CUX2: variants seen among roughly 807,000 people sequenced by gnomAD.
The protein encoded by CUX2 is homeobox protein cut-like 2.
CUX2 carries 40 observed loss-of-function variants against 144.8 expected under a neutral mutation model. The ratio of observed to expected loss-of-function variants is 0.28; its 90% CI spans 0.21 to 0.36. The LOEUF is 0.36. Among genes scored for constraint, CUX2 ranks in the 10% least tolerant of loss-of-function variants. The pLI is 1.00. For synonymous variants in CUX2, 827 were observed against 875.6 expected (o/e 0.94, Z 0.98); for missense variants, 1,615 against 1,994.0 (o/e 0.81, Z 3.62).
chr12:111,160,564 G>T lies in CUX2; in HGVS notation c.64-53636G>T, dbSNP rs573864758. The stretch of plus-strand genomic sequence containing the variant: ...AGAGGGGGCGCGAGATGCGAGCAGG[G>T]AGCAGGGTGGCACTTGGCTGTGGAG... On this transcript the variant is annotated intron_variant, in intron 1 of 21. Coordinates refer to ENST00000261726, the MANE Select transcript of CUX2 (RefSeq NM_015267.4). This position sits in a 1 kb window ranked among gnomAD's most constrained non-coding sequence, Gnocchi z 4.1. 2.6e-5 allele frequency among the ~76,000 whole-genome samples: 4 copies of T among 152,312 alleles called. No homozygotes were observed. In the East Asian group the frequency reaches 7.8e-4, roughly 30 times the overall value.
intron 16 of CUX2, among the ~76,000 whole-genome samples, chr12:111,315,909 A>G (rs1887164407): frequency 6.6e-6 from 1 of 152,196 alleles, no homozygotes. Flanking sequence ...GGGACAAACC[A>G]GACTACACTT....
chr12:111,316,889 C>T (rs1306674619), intron 16 of CUX2, among the ~76,000 whole-genome samples: 2 of 152,140 alleles, frequency 1.3e-5, no homozygotes, highest in African/African-American at 4.8e-5. Flanking sequence ...TTCTCCTTTC[C>T]ACTCTCCCCC....
chr12:111,255,862 G>A lies in CUX2; in HGVS notation c.223-7899G>A, dbSNP rs936097379. Among the ~76,000 whole-genome samples, 1 of 152,180 alleles carries A rather than the reference G, an allele frequency of 6.6e-6. No individual in the cohort carries two copies. Among genetic ancestry groups the A allele is most frequent in the Non-Finnish European group, 1.5e-5 (1 of 68,030 alleles). ...GGTGGTAGGAAATCAGAAGGGTGCT[G>A]TAAAGAAAAGGGATCTTTCACAGGG... On this transcript the variant is annotated intron_variant, in intron 3 of 21. Coordinates refer to ENST00000261726, the MANE Select transcript of CUX2 (RefSeq NM_015267.4). This position sits in a 1 kb window ranked among gnomAD's most constrained non-coding sequence, Gnocchi z 4.1.
rs534177987 is a variant in CUX2, at chr12:111,087,322, C to T, written c.63+53082C>T. On this transcript the variant is annotated intron_variant, in intron 1 of 21. Coordinates refer to ENST00000261726, the MANE Select transcript of CUX2 (RefSeq NM_015267.4). ...GGCGGAGGTTGCAGTGAGCCAAGAT[C>T]GTGCCAGTGCACTCCAGTCTGGGCA... Among the ~76,000 whole-genome samples, 5 of 124,374 alleles carry T rather than the reference C, an allele frequency of 4.0e-5. No homozygotes were observed. In the South Asian group the frequency reaches 8.3e-4, roughly 21 times the overall value. 81.6% of individuals were successfully genotyped at this position (124,374 alleles called of 152,430 possible). A position where few individuals can be genotyped will look rare whatever the true frequency, so the allele number is the denominator to read the frequency against.
intron 1 of CUX2, among the ~76,000 whole-genome samples, chr12:111,069,534 G>GTA (rs1199525367): frequency 5.5e-5 from 8 of 145,646 alleles, no homozygotes; most frequent in African/African-American, 1.6e-4. Context: ...GTGTGTGTGT[G>GTA]TGTGTGTGTG....
intron 3 of CUX2, among the ~76,000 whole-genome samples, chr12:111,256,084 A>C (rs1482832095): frequency 6.6e-6 from 1 of 151,542 alleles, no homozygotes; most frequent in Non-Finnish European, 1.5e-5. Flanking sequence ...CCTCTGGTAC[A>C]TCTGAGCAAG....
At position 111,310,104 on chromosome 12, in the gene CUX2, C is replaced by T. The variant is rs1392707318; in HGVS notation, c.1322C>T (p.Ser441Phe). The T allele has an allele frequency of 1.4e-6, 2 of 1,456,894 alleles. No individual in the cohort carries two copies. Among genetic ancestry groups the T allele is most frequent in the Non-Finnish European group, 1.8e-6 (2 of 1,104,254 alleles). 90.2% of individuals were successfully genotyped at this position (1,456,894 alleles called of 1,614,324 possible). The change falls in exon 15 of 22, where the codon TCC becomes TTC. Residue 441 changes from serine (S) to phenylalanine (F), a missense_variant. Physicochemically the swap from Ser to Phe is radical, Grantham distance 155. Around this residue, in one of 12 missense-constraint regions of CUX2, gnomAD observed 8 missense variants for 27.6 expected, o/e 0.29. Transcript: ENST00000261726. This position sits in a 1 kb window ranked among gnomAD's most constrained non-coding sequence, Gnocchi z 7.9. ...DSLGTEQSYP[S>F]PQQLPPPPGP... is the part of the protein sequence containing the mutation. ...CTGGGCACGGAGCAGTCCTACCCCT[C>T]CCCTCAGCAGCTCCCACCTCCACCA...
rs574749406 is a variant in CUX2 at position 111,167,421 on chromosome 12, C to G, written c.64-46779C>G. On this transcript the variant is annotated intron_variant, in intron 1 of 21. Transcript: ENST00000261726. ...CTCGAGGGGGAGGGCCTGTTTCATC[C>G]TCAACTTTTTATTTTTCTGTAATGC... Among the ~76,000 whole-genome samples, 172 of 152,282 alleles carry G rather than the reference C, an allele frequency of 1.1e-3. 1 individual carries two copies. The highest frequency in any genetic ancestry group is 3.8e-3 in the African/African-American group (159 of 41,560).
At chr12:111,184,573 CAAAAAAAAAAAAAAAA>C (rs71445536) in intron 1 of CUX2, among the ~76,000 whole-genome samples, 1 of 46,910 alleles carries the variant, frequency 2.1e-5, no homozygotes, top group Non-Finnish European at 5.0e-5. Flanking sequence ...TTCTCTCTAC[CAAAAAAAAAAAAAAAA>C]AAAAAAAAAA....
intron 1 of CUX2, among the ~76,000 whole-genome samples, chr12:111,194,082 T>C (rs561744553): frequency 6.6e-6 from 1 of 152,290 alleles, no homozygotes; most frequent in African/African-American, 2.4e-5. Flanking sequence ...ATCACACCGG[T>C]GGCCACCTGG....
At chr12:111,170,035 A>T (rs79773709) in intron 1 of CUX2, among the ~76,000 whole-genome samples, 2,368 of 152,326 alleles carry the variant, frequency 0.016, 26 homozygotes, top group Middle Eastern at 0.048. Context: ...AGGGGGAAGA[A>T]TTTAAGGAAA....
intron 1 of CUX2, among the ~76,000 whole-genome samples, chr12:111,120,974 T>A (rs1874619079): frequency 6.6e-6 from 1 of 152,086 alleles, no homozygotes; most frequent in Non-Finnish European, 1.5e-5. Context: ...TATTCCTGTT[T>A]CTACTGAATT....
rs1876229780 is a variant in CUX2, at chr12:111,140,364, T to C, written c.64-73836T>C. 3.9e-5 allele frequency among the ~76,000 whole-genome samples: 6 copies of C among 152,208 alleles called. No homozygotes were observed. In the South Asian group the frequency reaches 1.2e-3, roughly 31 times the overall value. ...CTCACTTTCTCATCAATACCATAGA[T>C]TGAGCTAGCAGCGAAGAGATTTTCA... On this transcript the variant is annotated intron_variant, in intron 1 of 21. Transcript: ENST00000261726.
chr12:111,138,699 A>G (rs1321077207), intron 1 of CUX2, among the ~76,000 whole-genome samples: 2 of 151,932 alleles, frequency 1.3e-5, no homozygotes, highest in Non-Finnish European at 2.9e-5. Context: ...GCCAAGCAGC[A>G]CCCATCCCCG....
At chr12:111,184,403 T>C (rs920766797) in intron 1 of CUX2, among the ~76,000 whole-genome samples, 1 of 151,804 alleles carries the variant, frequency 6.6e-6, no homozygotes, top group Admixed American at 6.6e-5. Flanking sequence ...GAGTAGGGGA[T>C]TGGAAGTAAC....
intron 1 of CUX2, among the ~76,000 whole-genome samples, chr12:111,050,857 T>G (rs1463158969): frequency 6.6e-6 from 1 of 152,186 alleles, no homozygotes; most frequent in Non-Finnish European, 1.5e-5. Context: ...GAAGAAGAAT[T>G]TCTAGGGGAC....
Position 111,061,489 on chromosome 12 carries a change from C to T in CUX2, c.63+27249C>T, listed in dbSNP as rs974318310. 2.0e-5 allele frequency among the ~76,000 whole-genome samples: 3 copies of T among 152,160 alleles called. No individual in the cohort carries two copies. The highest frequency in any genetic ancestry group is 6.5e-5 in the Admixed American group (1 of 15,288). On this transcript the variant is annotated intron_variant, in intron 1 of 21. Transcript: ENST00000261726. This position sits in a 1 kb window ranked among gnomAD's most constrained non-coding sequence, Gnocchi z 4.2. The stretch of plus-strand genomic sequence containing the variant: ...ATGGAAGACAAAGTCGCCCCATTAT[C>T]GGAGGGCTTTACAAATAGAGAAAAG...
chr12:111,341,645 C>T lies in CUX2; in HGVS notation c.3386-135C>T, dbSNP rs538534319. 1.3e-4 allele frequency: 132 copies of T among 982,152 alleles called. 4 individuals carry two copies. The South Asian group carries it at 1.9e-3, about 14-fold the overall frequency. The allele number at this position is 982,152 out of a possible 1,614,324, so 60.8% of individuals were successfully genotyped here. On this transcript the variant is annotated intron_variant, in intron 20 of 21. Transcript: ENST00000261726. ...GTGAGGAGGGAGAAAGGCTGGGGGG[C>T]GGGCCTCTAAGCTTAGGGCATGATG...
chr12:111,312,607 G>A lies in CUX2; in HGVS notation c.2002+406G>A, dbSNP rs1886965001. Among the ~76,000 whole-genome samples, 2 of 152,060 alleles carry A rather than the reference G, an allele frequency of 1.3e-5. No individual in the cohort carries two copies. The highest frequency in any genetic ancestry group is 4.8e-5 in the African/African-American group (2 of 41,392). On this transcript the variant is annotated intron_variant, in intron 16 of 21. Coordinates refer to ENST00000261726, the MANE Select transcript of CUX2 (RefSeq NM_015267.4). This position sits in a 1 kb window ranked among gnomAD's most constrained non-coding sequence, Gnocchi z 4.3. ...CCCAGCTACTTAGAAGGCTGAGGCA[G>A]GAGAATTGCTTGAACCCGGGAGGCG... is the stretch of plus-strand genomic sequence containing the variant.
Sources: gnomAD v4.1 joint callset for allele counts (sites outside exome capture counted in the v4.1 genomes callset) on GRCh38, gnomAD v4.1.1 for gene constraint, gnomAD v4.1.1 regional missense constraint, Gnocchi (gnomAD v3.1) non-coding constraint, MANE v1.5 for transcripts, NCBI Gene and HGNC (gene_info 2026-07-23, HGNC 2026-07-21) for gene names.